The following RREB1 variants were observed in gnomAD, a reference collection of about 807,000 sequenced individuals.
RREB1 encodes ras responsive element binding protein 1, also known as ras-responsive element-binding protein 1.
A neutral mutation model predicts 117.8 loss-of-function variants in RREB1; 27 were observed. That is an observed-to-expected ratio of 0.23 (90% CI 0.17 to 0.32). RREB1 has a LOEUF of 0.32. RREB1 is among the 10% of genes least tolerant of loss of function. The probability of loss-of-function intolerance (pLI) is 1.00; values close to 1 mark genes in which losing one functional copy is unlikely to be tolerated. For synonymous variants in RREB1, 1,298 were observed against 1,026.7 expected, an observed-to-expected ratio of 1.26 and a Z score of -5.05; for missense variants, 2,577 against 2,378.2, an observed-to-expected ratio of 1.08 and a Z score of -1.74.
chr6:7,123,725 C>T (rs1351513620), intron 1 of RREB1, among the ~76,000 whole-genome samples: 1 of 151,526 alleles, frequency 6.6e-6, no homozygotes, highest in Non-Finnish European at 1.5e-5. Context: ...ATTCTCCTGC[C>T]TCAGCCTCCC....
At chr6:7,179,871 G>A (rs1051422940) in intron 2 of RREB1, among the ~76,000 whole-genome samples, 9 of 151,210 alleles carry the variant, frequency 6.0e-5, no homozygotes, top group East Asian at 1.9e-4. Flanking sequence ...GGCTGGTCTC[G>A]AACTCCTGGG....
At chr6:7,222,602 T>C (rs1767330080) in intron 8 of RREB1, among the ~76,000 whole-genome samples, 1 of 152,074 alleles carries the variant, frequency 6.6e-6, no homozygotes, top group South Asian at 2.1e-4. Flanking sequence ...AGGAGGGATT[T>C]AAGGGTGAGG....
chr6:7,181,779 A>C, intron 3 of RREB1, 91 bp from the exon 4 acceptor site: 1 of 887,810 alleles, frequency 1.1e-6, no homozygotes, highest in East Asian at 2.4e-5. Flanking sequence ...TTTGACCTGA[A>C]TTACAATTAG....
chr6:7,160,437 A>G (rs566587285), intron 1 of RREB1, among the ~76,000 whole-genome samples: 18 of 152,230 alleles, frequency 1.2e-4, no homozygotes, highest in Non-Finnish European at 2.2e-4. Flanking sequence ...CCATAAGTAT[A>G]GCATAGAATC....
chr6:7,207,191 G>A (rs1358780754), intron 6 of RREB1, among the ~76,000 whole-genome samples: 5 of 152,180 alleles, frequency 3.3e-5, no homozygotes, highest in African/African-American at 1.2e-4. Context: ...CCTTATATAT[G>A]GATCTTTGCA....
At chr6:7,145,862 A>G (rs778876588) in intron 1 of RREB1, among the ~76,000 whole-genome samples, 2 of 151,592 alleles carry the variant, frequency 1.3e-5, no homozygotes, top group Non-Finnish European at 2.9e-5. Flanking sequence ...TGTGGGGAGA[A>G]GAAGAGGGAA....
At chr6:7,170,267 A>C (rs911416456) in intron 1 of RREB1, among the ~76,000 whole-genome samples, 1 of 152,176 alleles carries the variant, frequency 6.6e-6, no homozygotes, top group Admixed American at 6.5e-5. Flanking sequence ...CCATTAAGAG[A>C]TAAACTGTAG....
rs1480647397 is a variant in RREB1, at chr6:7,153,798, T to A, written c.-284-22857T>A. 2.0e-5 allele frequency among the ~76,000 whole-genome samples: 3 copies of A among 152,200 alleles called. No individual in the cohort carries two copies. In the East Asian group the frequency reaches 5.8e-4, roughly 29 times the overall value. On this transcript the variant is annotated intron_variant, in intron 1 of 12. Coordinates refer to ENST00000379938, the MANE Select transcript of RREB1 (RefSeq NM_001003699.4). ...CAGTGGCTCAACCCATAAAGTGCCG[T>A]TGCTTGTTGGTGTAGAATCCTCTGC... is the stretch of plus-strand genomic sequence containing the variant.
intron 10 of RREB1, among the ~76,000 whole-genome samples, chr6:7,234,689 A>G (rs932309331): frequency 2.6e-5 from 4 of 152,216 alleles, no homozygotes; most frequent in African/African-American, 9.7e-5. Flanking sequence ...ATCCTACCAT[A>G]ATATGTTCTT....
intron 1 of RREB1, among the ~76,000 whole-genome samples, chr6:7,134,557 T>C (rs1762275380): frequency 6.6e-6 from 1 of 152,234 alleles, no homozygotes; most frequent in Non-Finnish European, 1.5e-5. Flanking sequence ...ATTTTAATTA[T>C]TTTTTTAGAT....
intron 1 of RREB1, among the ~76,000 whole-genome samples, chr6:7,155,369 C>T (rs1438152211): frequency 6.6e-6 from 1 of 152,204 alleles, no homozygotes; most frequent in Non-Finnish European, 1.5e-5. Context: ...TGCAGTGGCA[C>T]GATCTTGGCT....
chr6:7,179,336 T>C (rs1299849326), intron 2 of RREB1, among the ~76,000 whole-genome samples: 2 of 152,098 alleles, frequency 1.3e-5, no homozygotes, highest in African/African-American at 4.8e-5. Context: ...TTTGCCTAGG[T>C]TGGACTTGAA....
intron 8 of RREB1, among the ~76,000 whole-genome samples, chr6:7,225,727 G>T (rs1767544716): frequency 6.6e-6 from 1 of 152,174 alleles, no homozygotes; most frequent in South Asian, 2.1e-4. Flanking sequence ...CAGGAACTCA[G>T]GCTGACATTT....
At chr6:7,186,229 T>G (rs990049521) in intron 4 of RREB1, among the ~76,000 whole-genome samples, 2 of 152,142 alleles carry the variant, frequency 1.3e-5, no homozygotes, top group South Asian at 2.1e-4. Flanking sequence ...CTTGCCGAGG[T>G]GCAAGCCTCC....
At chr6:7,131,840 C>T (rs150195463) in intron 1 of RREB1, among the ~76,000 whole-genome samples, 17 of 151,436 alleles carry the variant, frequency 1.1e-4, no homozygotes, top group Non-Finnish European at 2.9e-5. Context: ...AGATAATGTA[C>T]TATAGGTTAA....
chr6:7,187,985 G>A (rs1765173761), intron 5 of RREB1, among the ~76,000 whole-genome samples: 1 of 151,982 alleles, frequency 6.6e-6, no homozygotes, highest in Admixed American at 6.6e-5. Flanking sequence ...GTCCAGACCA[G>A]CCTGGCCAAC....
intron 1 of RREB1, among the ~76,000 whole-genome samples, chr6:7,151,168 G>A (rs377439459): frequency 3.9e-5 from 6 of 152,150 alleles, no homozygotes; most frequent in South Asian, 2.1e-4. Context: ...CCCCCTTCAC[G>A]TAATCCTATC....
At chr6:7,224,707 G>A (rs982248382) in intron 8 of RREB1, among the ~76,000 whole-genome samples, 4 of 152,172 alleles carry the variant, frequency 2.6e-5, no homozygotes, top group Admixed American at 2.0e-4. Flanking sequence ...CTGTGATTTA[G>A]ACCGCTGGGT....
chr6:7,158,207 T>C (rs969919739), intron 1 of RREB1, among the ~76,000 whole-genome samples: 3 of 152,134 alleles, frequency 2.0e-5, no homozygotes, highest in African/African-American at 7.2e-5. Context: ...GACACTTGCC[T>C]GTGGCCAGAG....
Sources: gnomAD v4.1 joint callset for allele counts (sites outside exome capture counted in the v4.1 genomes callset) on GRCh38, gnomAD v4.1.1 for gene constraint, MANE v1.5 for transcripts, NCBI Gene and HGNC (gene_info 2026-07-23, HGNC 2026-07-21) for gene names.